Variants in ELP4 observed in about 807,000 individuals in gnomAD.
ELP4 encodes the protein elongator complex protein 4.
A neutral mutation model predicts 48.9 loss-of-function variants in ELP4; 51 were observed. The observed-to-expected ratio is 1.04, with a 90% CI of 0.83 to 1.32. The LOEUF (loss-of-function observed/expected upper bound fraction) is 1.32, where lower values mean the gene tolerates loss of function less well. Among genes scored for constraint, ELP4 ranks in the 40% most tolerant of loss-of-function variants. The pLI is 0.00. For missense variants in ELP4, 519 were observed against 514.6 expected, an observed-to-expected ratio of 1.01 and a Z score of -0.08; for synonymous variants, 210 against 189.2, an observed-to-expected ratio of 1.11 and a Z score of -0.90.
chr11:31,535,972 A>G (rs914369647), intron 2 of ELP4, among the ~76,000 whole-genome samples: 14 of 152,162 alleles, frequency 9.2e-5, no homozygotes. Context: ...AGAGGGCAAA[A>G]TGTAAGGTAC....
chr11:31,641,783 TA>T (rs1390653365), intron 7 of ELP4, among the ~76,000 whole-genome samples: 1 of 151,898 alleles, frequency 6.6e-6, no homozygotes, highest in Non-Finnish European at 1.5e-5. Context: ...GATGACAGGC[TA>T]TAATTTTATA....
intron 9 of ELP4, among the ~76,000 whole-genome samples, chr11:31,742,717 A>T (rs1282464338): frequency 1.3e-5 from 2 of 152,182 alleles, no homozygotes; most frequent in Non-Finnish European, 2.9e-5. Flanking sequence ...TTTTGTCACC[A>T]CCAGGCCTGC....
At chr11:31,725,109 G>A (rs754547550) in intron 9 of ELP4, among the ~76,000 whole-genome samples, 10 of 152,200 alleles carry the variant, frequency 6.6e-5, no homozygotes, top group Non-Finnish European at 1.2e-4. Context: ...AGAGTCTGCT[G>A]TTCATTATGA....
At chr11:31,713,057 T>C (rs1010914341) in intron 9 of ELP4, among the ~76,000 whole-genome samples, 2 of 152,224 alleles carry the variant, frequency 1.3e-5, no homozygotes, top group African/African-American at 2.4e-5. Context: ...CTTGGGATTT[T>C]GCGGAAATTT....
Position 31,564,428 on chromosome 11 carries a change from G to A in ELP4, c.381+24645G>A, listed in dbSNP as rs1015969116. On this transcript the variant is annotated intron_variant, in intron 3 of 9. Coordinates refer to ENST00000640961, the MANE Select transcript of ELP4 (RefSeq NM_019040.5). Reference sequence around the variant, plus strand: ...AAGTTCTAGGGTACATGCACACAACGTGCAGGTTTGTTACATACATATACA... The same window carrying A: ...AAGTTCTAGGGTACATGCACACAACATGCAGGTTTGTTACATACATATACA... 4.0e-4 allele frequency among the ~76,000 whole-genome samples: 60 copies of A among 149,450 alleles called. 1 individual carries two copies. Among genetic ancestry groups the A allele is most frequent in the African/African-American group, 1.3e-3 (52 of 40,380 alleles).
intron 3 of ELP4, among the ~76,000 whole-genome samples, chr11:31,574,750 C>A (rs1210775396): frequency 6.6e-6 from 1 of 152,212 alleles, no homozygotes; most frequent in African/African-American, 2.4e-5. Flanking sequence ...AACTAACAAA[C>A]AGAAAGGACA....
chr11:31,671,962 T>C (rs568927227), intron 9 of ELP4, among the ~76,000 whole-genome samples: 1 of 152,104 alleles, frequency 6.6e-6, no homozygotes, highest in Non-Finnish European at 1.5e-5. Flanking sequence ...GGTTCTCTTA[T>C]TCCCATCAGG....
intron 7 of ELP4, among the ~76,000 whole-genome samples, chr11:31,642,401 A>G (rs1945117473): frequency 6.6e-6 from 1 of 151,886 alleles, no homozygotes; most frequent in South Asian, 2.1e-4. Flanking sequence ...GTATTTGACC[A>G]TGTAGAAAAC....
chr11:31,638,340 C>G (rs1164817940), intron 7 of ELP4, among the ~76,000 whole-genome samples: 1 of 151,704 alleles, frequency 6.6e-6, no homozygotes, highest in African/African-American at 2.4e-5. Flanking sequence ...TTCCTTTATT[C>G]AACCAAATTT....
intron 3 of ELP4, among the ~76,000 whole-genome samples, chr11:31,554,515 G>A (rs752102002): frequency 2.0e-5 from 3 of 151,828 alleles, no homozygotes; most frequent in Admixed American, 6.6e-5. Flanking sequence ...TATACATTGT[G>A]AAACAATTAC....
chr11:31,547,361 T>G (rs975907656), intron 3 of ELP4, among the ~76,000 whole-genome samples: 1 of 152,144 alleles, frequency 6.6e-6, no homozygotes, highest in Non-Finnish European at 1.5e-5. Flanking sequence ...CAAACACCTC[T>G]ACGCAAATAA....
intron 1 of ELP4, among the ~76,000 whole-genome samples, chr11:31,517,823 T>C (rs1003881313): frequency 1.3e-5 from 2 of 152,028 alleles, no homozygotes; most frequent in Non-Finnish European, 2.9e-5. Flanking sequence ...TTTCACTATG[T>C]TGGCCAGGCT....
intron 9 of ELP4, among the ~76,000 whole-genome samples, chr11:31,747,377 G>C (rs537762107): frequency 1.3e-5 from 2 of 152,166 alleles, no homozygotes; most frequent in African/African-American, 4.8e-5. Flanking sequence ...AGGAAGCAGA[G>C]GAATAGAAGT....
At chr11:31,739,668 GTT>G (rs1947403894) in intron 9 of ELP4, among the ~76,000 whole-genome samples, 1 of 152,092 alleles carries the variant, frequency 6.6e-6, no homozygotes. Context: ...AAATGCATGA[GTT>G]TTAAAAGACC....
At chr11:31,753,615 C>G (rs76042404) in intron 9 of ELP4, among the ~76,000 whole-genome samples, 3,135 of 152,092 alleles carry the variant, frequency 0.021, 102 homozygotes, top group African/African-American at 0.071. Context: ...GTTTTTTGAC[C>G]AGGAAATTCC....
At chr11:31,701,760 T>C (rs190659308) in intron 9 of ELP4, among the ~76,000 whole-genome samples, 252 of 150,848 alleles carry the variant, frequency 1.7e-3, no homozygotes, top group African/African-American at 5.4e-3. Context: ...TTTTTCCAAC[T>C]TGAGCCTTGG....
chr11:31,578,656 T>C (rs569883905), intron 3 of ELP4, among the ~76,000 whole-genome samples: 43 of 152,322 alleles, frequency 2.8e-4, no homozygotes, highest in Non-Finnish European at 8.8e-5. Flanking sequence ...CCATCTGATC[T>C]TTGACAAACC....
intron 5 of ELP4, among the ~76,000 whole-genome samples, chr11:31,608,324 G>C (rs1330295085): frequency 1.3e-5 from 2 of 152,068 alleles, no homozygotes. Flanking sequence ...TCCTGAATGA[G>C]TTGATATGAG....
At chr11:31,758,096 G>C (rs918214049) in intron 9 of ELP4, among the ~76,000 whole-genome samples, 1 of 152,090 alleles carries the variant, frequency 6.6e-6, no homozygotes, top group African/African-American at 2.4e-5. Flanking sequence ...TAATGTCATT[G>C]GTGAATTTTA....
Sources: gnomAD v4.1 joint callset for allele counts (sites outside exome capture counted in the v4.1 genomes callset) on GRCh38, gnomAD v4.1.1 for gene constraint, MANE v1.5 for transcripts, NCBI Gene and HGNC (gene_info 2026-07-23, HGNC 2026-07-21) for gene names.